The following PHIP variants were observed in gnomAD, a reference collection of about 807,000 sequenced individuals.
PHIP encodes PHIP subunit of CUL4-Ring ligase complex.
Under a neutral mutation model 236.8 loss-of-function variants are expected in PHIP, and 54 were observed. The observed-to-expected ratio is 0.23, with a 90% CI of 0.18 to 0.29. The LOEUF is 0.29. Ranked by LOEUF, PHIP falls within the 10% of genes least tolerant of loss-of-function variation. The probability of loss-of-function intolerance (pLI) is 1.00; values close to 1 mark genes in which losing one functional copy is unlikely to be tolerated. For missense variants in PHIP, 1,370 were observed against 2,190.8 expected (o/e 0.63, Z 7.48); for synonymous variants, 756 against 718.9 (o/e 1.05, Z -0.83).
At chr6:79,019,304 T>C (rs1197537584) in intron 9 of PHIP, 145 bp from the exon 10 acceptor site, 2 of 610,712 alleles carry the variant, frequency 3.3e-6, no homozygotes, top group African/African-American at 3.7e-5. Context: ...GAAATCATTA[T>C]GTGTCATAAA....
chr6:79,060,726 A>C lies in PHIP; in HGVS notation c.282T>G (p.Val94=). 6.2e-7 allele frequency: 1 copy of C among 1,613,438 alleles called. No homozygotes were observed. The highest frequency in any genetic ancestry group is 8.5e-7 in the Non-Finnish European group (1 of 1,179,422). ...CTCCTAATAAAGTTTGTACTCCAGG[A>C]ACACTTTGAGGAATTTCTTGTTCAA... The part of the protein sequence containing the change: ...PLLEQEIPQS[V]PGVQTLLGAG... Residue 94 remains valine (V), a synonymous_variant, in exon 5 of 40, where the codon GTT becomes GTG. Transcript: ENST00000275034.
chr6:79,014,745 C>A (rs1016091340), intron 15 of PHIP, among the ~76,000 whole-genome samples: 11 of 151,554 alleles, frequency 7.3e-5, no homozygotes, highest in African/African-American at 2.4e-4. Context: ...TACAATAATA[C>A]GAGTATTTAT....
At chr6:79,077,043 C>A (rs943683565) in intron 4 of PHIP, among the ~76,000 whole-genome samples, 3 of 152,144 alleles carry the variant, frequency 2.0e-5, no homozygotes, top group Non-Finnish European at 2.9e-5. Flanking sequence ...GAAAGCCGAG[C>A]CGGCCGCGCG....
At chr6:79,055,437 A>AAT (rs1272624889) in intron 6 of PHIP, among the ~76,000 whole-genome samples, 1 of 152,162 alleles carries the variant, frequency 6.6e-6, no homozygotes, top group Admixed American at 6.6e-5. Flanking sequence ...AAACAGGCAT[A>AAT]ATGTGGGTAT....
chr6:78,956,523 T>G (rs567264956), intron 32 of PHIP: 1 of 152,248 alleles, frequency 6.6e-6, no homozygotes, highest in African/African-American at 2.4e-5. Context: ...GTTAATATAC[T>G]TTCAACAGCC....
At chr6:78,964,550 T>C (rs1001188106) in intron 29 of PHIP, among the ~76,000 whole-genome samples, 1 of 152,202 alleles carries the variant, frequency 6.6e-6, no homozygotes, top group Non-Finnish European at 1.5e-5. Context: ...TGGAGCGCAG[T>C]GGTGCAATCT....
At chr6:79,067,034 G>A (rs934737488) in intron 4 of PHIP, among the ~76,000 whole-genome samples, 1 of 152,012 alleles carries the variant, frequency 6.6e-6, no homozygotes, top group Admixed American at 6.6e-5. Context: ...GACTATAGGT[G>A]CGTTACATCA....
chr6:78,972,252 C>G (rs1172109400), intron 24 of PHIP, among the ~76,000 whole-genome samples: 134 of 139,074 alleles, frequency 9.6e-4, no homozygotes, highest in South Asian at 1.8e-3. Flanking sequence ...TGGGAGGCAC[C>G]CTCCAGCAGG....
chr6:79,042,313 A>G (rs1772261752), intron 7 of PHIP, among the ~76,000 whole-genome samples: 1 of 152,038 alleles, frequency 6.6e-6, no homozygotes. Flanking sequence ...AACATCAGAT[A>G]TTTTGAAGAA....
intron 15 of PHIP, among the ~76,000 whole-genome samples, chr6:79,008,435 A>G (rs1770411175): frequency 6.6e-6 from 1 of 152,140 alleles, no homozygotes; most frequent in South Asian, 2.1e-4. Flanking sequence ...AATATTACCA[A>G]AATAAATATC....
chr6:78,991,306 ATT>A (rs201744715), intron 19 of PHIP, among the ~76,000 whole-genome samples: 51 of 137,548 alleles, frequency 3.7e-4, no homozygotes, highest in Non-Finnish European at 3.3e-4. Context: ...GAGAAATTGG[ATT>A]TTTTTTTTTT....
chr6:79,056,574 A>C (rs1773085845), intron 6 of PHIP, among the ~76,000 whole-genome samples: 1 of 152,160 alleles, frequency 6.6e-6, no homozygotes, highest in South Asian at 2.1e-4. Flanking sequence ...GAGACTTTTT[A>C]AATTGTGACA....
At chr6:78,948,747 A>G (rs1773971676) in intron 35 of PHIP, among the ~76,000 whole-genome samples, 1 of 151,976 alleles carries the variant, frequency 6.6e-6, no homozygotes, top group South Asian at 2.1e-4. Flanking sequence ...GCCCGTCTTG[A>G]CCTCCCAAAG....
chr6:78,997,645 C>A, intron 18 of PHIP, 48 bp from the exon 19 acceptor site: 1 of 1,412,532 alleles, frequency 7.1e-7, no homozygotes, highest in Non-Finnish European at 9.8e-7. Context: ...GATATTTCTC[C>A]ATTAGTTTAT....
intron 31 of PHIP, among the ~76,000 whole-genome samples, chr6:78,960,377 A>G (rs758596337): frequency 5.9e-5 from 9 of 152,068 alleles, no homozygotes; most frequent in Non-Finnish European, 1.2e-4. Flanking sequence ...TCATCTCTGA[A>G]GCACTAGGTT....
chr6:78,955,055 A>T, intron 34 of PHIP, 92 bp from the exon 35 acceptor site: 1 of 970,740 alleles, frequency 1.0e-6, no homozygotes, highest in Non-Finnish European at 1.5e-6. Context: ...TGGGTAATAT[A>T]CAATAATTCA....
At chr6:78,967,026 T>G (rs1220745066) in intron 27 of PHIP, among the ~76,000 whole-genome samples, 1 of 152,232 alleles carries the variant, frequency 6.6e-6, no homozygotes, top group Non-Finnish European at 1.5e-5. Context: ...GACACACAGT[T>G]AAGTTAAAAT....
At position 79,071,590 on chromosome 6, in the gene PHIP, AT is replaced by A. The variant is rs529121417; in HGVS notation, c.189+5857del. Among the ~76,000 whole-genome samples the A allele has an allele frequency of 1.6e-3, 240 of 152,244 alleles. 1 individual carries two copies. Among genetic ancestry groups the A allele is most frequent in the African/African-American group, 5.6e-3 (233 of 41,554 alleles). ...AATATCCTAAAATTAGCTGTTAAAA[AT>A]TTTTTTCTAAGTAAAAGTGCATTAA... On this transcript the variant is annotated intron_variant, in intron 4 of 39. Coordinates refer to ENST00000275034, the MANE Select transcript of PHIP (RefSeq NM_017934.7).
At chr6:78,962,994 C>CT in intron 30 of PHIP, 103 bp downstream of exon 30, 1 of 942,010 alleles carries the variant, frequency 1.1e-6, no homozygotes, top group Non-Finnish European at 1.6e-6. Context: ...AAACCACTGA[C>CT]TTAGGATATT....
Sources: allele counts gnomAD v4.1 joint callset (sites outside exome capture counted in the v4.1 genomes callset), GRCh38; gene constraint gnomAD v4.1.1; transcripts MANE v1.5; gene names NCBI Gene and HGNC (gene_info 2026-07-23, HGNC 2026-07-21).